Variants in WDR27 observed in about 807,000 individuals in gnomAD.
WDR27 encodes the protein WD repeat domain 27.
WDR27 carries 100 observed loss-of-function variants against 114.4 expected under a neutral mutation model. That is an observed-to-expected ratio of 0.87 (90% confidence interval 0.74 to 1.03). WDR27 has a LOEUF of 1.03. Among genes scored for constraint, WDR27 ranks in the 50% least tolerant of loss-of-function variants. The pLI, the probability that WDR27 is intolerant of heterozygous loss-of-function variation, is 0.00. For synonymous variants in WDR27, 449 were observed against 423.1 expected (o/e 1.06, Z -0.75); for missense variants, 1,129 against 1,092.9 (o/e 1.03, Z -0.47).
intron 25 of WDR27, among the ~76,000 whole-genome samples, chr6:169,554,198 T>C (rs922349275): frequency 6.6e-6 from 1 of 152,156 alleles, no homozygotes; most frequent in Non-Finnish European, 1.5e-5. Context: ...CGGGTTCTAG[T>C]TCATGCCCAG....
At chr6:169,616,741 T>TA (rs1217953840) in intron 21 of WDR27, among the ~76,000 whole-genome samples, 2 of 152,082 alleles carry the variant, frequency 1.3e-5, no homozygotes, top group African/African-American at 2.4e-5. Flanking sequence ...TTTCAATAGA[T>TA]AAAAAATCTC....
At chr6:169,677,890 T>C (rs999909848) in intron 2 of WDR27, among the ~76,000 whole-genome samples, 1 of 152,172 alleles carries the variant, frequency 6.6e-6, no homozygotes, top group African/African-American at 2.4e-5. Context: ...CCATGTGGTA[T>C]TAAGCCTGCG....
At chr6:169,677,953 A>G (rs1017445451) in intron 2 of WDR27, among the ~76,000 whole-genome samples, 1 of 152,256 alleles carries the variant, frequency 6.6e-6, no homozygotes, top group Non-Finnish European at 1.5e-5. Context: ...GCTAGGTTTC[A>G]GAGGATTTGT....
In WDR27 at chr6:169,493,111, A is replaced by AT. The variant is rs570552954; in HGVS notation, c.2646-35478dup. On this transcript the variant is annotated intron_variant, in intron 25 of 25. Transcript: ENST00000448612. ...GATAATCTTTTCTATTAAAAAGGTT[A>AT]TAAAATTGGATTAAAATTATAAAAT... 1.3e-4 allele frequency among the ~76,000 whole-genome samples: 20 copies of AT among 152,152 alleles called. No individual in the cohort carries two copies. The South Asian group carries it at 2.5e-3, about 19-fold the overall frequency.
chr6:169,501,101 C>A (rs1282761789), intron 25 of WDR27, among the ~76,000 whole-genome samples: 1 of 152,248 alleles, frequency 6.6e-6, no homozygotes, highest in Non-Finnish European at 1.5e-5. Context: ...CACTGTCACT[C>A]CTGCCATTTG....
intron 25 of WDR27, among the ~76,000 whole-genome samples, chr6:169,471,833 G>A (rs560529898): frequency 2.6e-5 from 4 of 152,170 alleles, no homozygotes; most frequent in Non-Finnish European, 4.4e-5. Flanking sequence ...TGGAGGTTGG[G>A]AAGTCCAAGA....
At chr6:169,696,731 T>C (rs1323942936) in intron 1 of WDR27, among the ~76,000 whole-genome samples, 11 of 152,012 alleles carry the variant, frequency 7.2e-5, no homozygotes, top group Admixed American at 7.2e-4. Context: ...CTGGCCAACA[T>C]AGTGAAGCCC....
chr6:169,655,521 C>A (rs1823885258), intron 13 of WDR27, among the ~76,000 whole-genome samples: 1 of 152,142 alleles, frequency 6.6e-6, no homozygotes, highest in Non-Finnish European at 1.5e-5. Flanking sequence ...CTCACAGACA[C>A]GAAGTGAAAA....
chr6:169,555,421 A>G (rs988983389), intron 25 of WDR27, among the ~76,000 whole-genome samples: 23 of 152,198 alleles, frequency 1.5e-4, no homozygotes, highest in African/African-American at 5.5e-4. Context: ...AAGGGAGACC[A>G]GGCGGAAAGG....
At chr6:169,607,411 CACACACACACACATATAAT>C (rs906262386) in intron 22 of WDR27, among the ~76,000 whole-genome samples, 4 of 39,094 alleles carry the variant, frequency 1.0e-4, no homozygotes, top group Admixed American at 7.9e-4. Context: ...CACACACACA[CACACACACACACATATAAT>C]ATAATATTAT....
chr6:169,430,512 A>C, the WDR27 span, among the ~76,000 whole-genome samples: 7 of 152,242 alleles, frequency 4.6e-5, no homozygotes, highest in African/African-American at 1.7e-4. Context: ...TCCAGCCCCA[A>C]GTGCCGGAAA....
chr6:169,653,304 C>T (rs578136592), intron 13 of WDR27, among the ~76,000 whole-genome samples: 2 of 152,218 alleles, frequency 1.3e-5, no homozygotes, highest in Non-Finnish European at 2.9e-5. Context: ...ATATAAATTC[C>T]TTTGTTATTA....
intron 25 of WDR27, among the ~76,000 whole-genome samples, chr6:169,485,990 G>A (rs1034964582): frequency 2.6e-5 from 4 of 152,120 alleles, no homozygotes; most frequent in African/African-American, 9.7e-5. Context: ...GAGACACTGG[G>A]GCGTATTGAG....
In WDR27 at chr6:169,659,126, G is replaced by A. The variant is rs779893486; in HGVS notation, c.1279C>T (p.Gln427Ter). ...AGGCTCTGCCCCATGCTGGGGCACT[G>A]CTGAGCCCTGACTAGCGCGGCCGGG... The part of the protein sequence containing the change: ...INPAALVRAQ[Q>*]CPSMGQSLSV... The change falls in exon 12 of 26, where the codon CAG becomes TAG. Residue 427 changes from glutamine to a stop codon, truncating the protein, a stop_gained. Transcript: ENST00000448612. LOFTEE classifies it high-confidence loss of function. The surrounding 1 kb of genome is among the most constrained non-coding windows in gnomAD (Gnocchi z 4.3). 6.2e-7 allele frequency: 1 copy of A among 1,607,030 alleles called. No homozygotes were observed. The highest frequency in any genetic ancestry group is 1.3e-5 in the African/African-American group (1 of 74,538).
chr6:169,643,469 G>C (rs1562790852), intron 17 of WDR27, among the ~76,000 whole-genome samples: 1 of 152,176 alleles, frequency 6.6e-6, no homozygotes, highest in African/African-American at 2.4e-5. Context: ...ATGGCTCTTG[G>C]CCTCCAGGGC....
At chr6:169,593,429 T>A (rs1055609265) in intron 23 of WDR27, among the ~76,000 whole-genome samples, 1 of 152,260 alleles carries the variant, frequency 6.6e-6, no homozygotes, top group African/African-American at 2.4e-5. Flanking sequence ...AGCAGTCTCA[T>A]GATTTTCAAA....
intron 23 of WDR27, among the ~76,000 whole-genome samples, chr6:169,587,825 C>A (rs1030112279): frequency 3.9e-5 from 6 of 152,234 alleles, no homozygotes; most frequent in Non-Finnish European, 8.8e-5. Flanking sequence ...AGCCATGTCT[C>A]CATGAGTTTC....
chr6:169,595,561 TA>T (rs2128160570), intron 23 of WDR27, among the ~76,000 whole-genome samples: 1 of 152,324 alleles, frequency 6.6e-6, no homozygotes, highest in South Asian at 2.1e-4. Flanking sequence ...GATCTCTTCT[TA>T]TTCAATTAAC....
intron 25 of WDR27, among the ~76,000 whole-genome samples, chr6:169,465,258 C>CAAAAAAAAAAAAAA (rs56688798): frequency 6.9e-5 from 7 of 101,158 alleles, no homozygotes; most frequent in African/African-American, 1.8e-4. Flanking sequence ...AACTCCATCT[C>CAAAAAAAAAAAAAA]AAAAAAAAAA....
Sources: allele counts gnomAD v4.1 joint callset (sites outside exome capture counted in the v4.1 genomes callset), GRCh38; gene constraint gnomAD v4.1.1; non-coding constraint Gnocchi (gnomAD v3.1); transcripts MANE v1.5; gene names NCBI Gene and HGNC (gene_info 2026-07-23, HGNC 2026-07-21).